Variants in FARP1 observed in about 807,000 individuals in gnomAD.
FARP1 encodes the protein FERM, ARHGEF and pleckstrin domain-containing protein 1.
FARP1 carries 52 observed loss-of-function variants against 128.8 expected under a neutral mutation model. The observed-to-expected ratio is 0.40, with a 90% confidence interval of 0.32 to 0.51. The LOEUF (loss-of-function observed/expected upper bound fraction) is 0.51. Among genes scored for constraint, FARP1 ranks in the 20% least tolerant of loss-of-function variants. FARP1 has a pLI of 0.45. For synonymous variants in FARP1, 580 were observed against 551.8 expected, an observed-to-expected ratio of 1.05 and a Z score of -0.72; for missense variants, 1,333 against 1,367.9, an observed-to-expected ratio of 0.97 and a Z score of 0.40.
intron 13 of FARP1, chr13:98,397,011 T>C (rs1890576539): frequency 6.6e-6 from 1 of 152,288 alleles, no homozygotes; most frequent in South Asian, 2.1e-4. Context: ...TGTAAATTGA[T>C]AGCTAGTTGA....
At chr13:98,251,835 AT>A (rs1883340846) in intron 2 of FARP1, among the ~76,000 whole-genome samples, 1 of 152,058 alleles carries the variant, frequency 6.6e-6, no homozygotes, top group Non-Finnish European at 1.5e-5. Context: ...AATATAGCTA[AT>A]TGTATGTATG....
chr13:98,231,442 A>G (rs1380367199), intron 2 of FARP1, among the ~76,000 whole-genome samples: 2 of 151,870 alleles, frequency 1.3e-5, no homozygotes, highest in East Asian at 3.9e-4. Context: ...ATTTTATTTT[A>G]TTTTATTTTA....
chr13:98,318,950 GTTT>G (rs56166470), intron 2 of FARP1, among the ~76,000 whole-genome samples: 21,317 of 120,816 alleles, frequency 0.18, 1,829 homozygotes, highest in South Asian at 0.23. Flanking sequence ...GTTTTTTCTT[GTTT>G]TTTTTTTTTT....
intron 2 of FARP1, among the ~76,000 whole-genome samples, chr13:98,223,975 A>G (rs1368052071): frequency 6.6e-6 from 1 of 152,208 alleles, no homozygotes; most frequent in Non-Finnish European, 1.5e-5. Flanking sequence ...TGTGACATGA[A>G]CTATAAAATG....
intron 13 of FARP1, chr13:98,395,989 G>A (rs1291119232): frequency 2.5e-6 from 1 of 399,070 alleles, no homozygotes; most frequent in East Asian, 3.6e-5. Context: ...CACTCTCCCG[G>A]ACCAGGGTCC....
intron 2 of FARP1, among the ~76,000 whole-genome samples, chr13:98,287,410 T>C (rs1885234704): frequency 2.0e-5 from 3 of 151,806 alleles, no homozygotes; most frequent in South Asian, 4.2e-4. Flanking sequence ...TTTGTATTTT[T>C]AGTAGAGACG....
rs145475035 is a variant in FARP1, at chr13:98,373,058, A to G, written c.399-4763A>G. 1.6e-3 allele frequency among the ~76,000 whole-genome samples: 242 copies of G among 152,300 alleles called. 2 individuals are homozygous for G. Among genetic ancestry groups the G allele is most frequent in the Admixed American group, 2.7e-3 (42 of 15,304 alleles). On this transcript the variant is annotated intron_variant, in intron 5 of 26. Transcript: ENST00000319562. ...CCCAGGAAGCTACTTCTCATGTTAC[A>G]AGGGCCTTGGATCAGGAAGAGTCCA... is the stretch of plus-strand genomic sequence containing the variant.
intron 2 of FARP1, among the ~76,000 whole-genome samples, chr13:98,306,996 C>T (rs1161320653): frequency 1.4e-5 from 2 of 141,018 alleles, no homozygotes; most frequent in Middle Eastern, 3.4e-3. Flanking sequence ...CCATTACAAA[C>T]GAAGAAACAG....
chr13:98,409,548 G>A (rs749645812), intron 14 of FARP1, 23 bp downstream of exon 14: 11 of 1,568,770 alleles, frequency 7.0e-6, no homozygotes, highest in South Asian at 4.6e-5. Context: ...GGGCTCAAGC[G>A]CGTGTGTGGC....
At chr13:98,182,551 T>G (rs1878607925) in intron 1 of FARP1, among the ~76,000 whole-genome samples, 1 of 152,154 alleles carries the variant, frequency 6.6e-6, no homozygotes, top group Non-Finnish European at 1.5e-5. Context: ...GGTCTCAAAC[T>G]CCCGGGCTTT....
At chr13:98,221,254 T>G (rs1349358214) in intron 2 of FARP1, among the ~76,000 whole-genome samples, 10 of 152,234 alleles carry the variant, frequency 6.6e-5, no homozygotes, top group African/African-American at 2.4e-4. Flanking sequence ...TTTAGTTTCC[T>G]TCTTGTTCTT....
intron 5 of FARP1, among the ~76,000 whole-genome samples, chr13:98,373,533 G>GACAGACAGACACACACACACAC (rs1349451618): frequency 5.5e-4 from 72 of 131,056 alleles, no homozygotes; most frequent in African/African-American, 1.9e-3. Context: ...CAGACAGACA[G>GACAGACAGACACACACACACAC]ACACACACAC....
intron 2 of FARP1, chr13:98,341,143 T>C (rs961308367): frequency 8.5e-6 from 1 of 117,494 alleles, no homozygotes; most frequent in African/African-American, 3.3e-5. Flanking sequence ...GCGGCATCTG[T>C]TAAAAAAAAA....
intron 5 of FARP1, among the ~76,000 whole-genome samples, chr13:98,371,165 C>G (rs772533744): frequency 2.0e-5 from 3 of 151,228 alleles, no homozygotes; most frequent in Non-Finnish European, 2.9e-5. Flanking sequence ...AGGGCTCTTT[C>G]TTGCTCAGGA....
At chr13:98,356,316 TA>T (rs1888639451) in intron 3 of FARP1, among the ~76,000 whole-genome samples, 1 of 152,214 alleles carries the variant, frequency 6.6e-6, no homozygotes, top group South Asian at 2.1e-4. Context: ...GTGGTGTAAG[TA>T]CGGTTGTCTC....
intron 3 of FARP1, among the ~76,000 whole-genome samples, chr13:98,362,592 T>A (rs1375525751): frequency 6.6e-6 from 1 of 152,230 alleles, no homozygotes; most frequent in Non-Finnish European, 1.5e-5. Flanking sequence ...TGCATTTTAA[T>A]TCTTTAGACT....
chr13:98,395,151 C>G, intron 12 of FARP1, 76 bp from the exon 13 acceptor site: 1 of 1,497,442 alleles, frequency 6.7e-7, no homozygotes, highest in Non-Finnish European at 8.9e-7. Context: ...CCTGGCTCTC[C>G]TTTTCTGTTT....
chr13:98,431,115 C>T lies in FARP1; in HGVS notation c.1978C>T (p.Arg660Trp), dbSNP rs145494993. ...ALENGIKSSR[R>W]LENFCRDFEL... ...GGAGAATGGAATCAAGAGCTCCCGG[C>T]GGCTGGAGAACTTCTGCAGAGACTT... The change falls in exon 18 of 27, where the codon CGG (arginine) becomes TGG (tryptophan). Residue 660 changes from arginine (R) to tryptophan (W), a missense_variant. This residue lies in a region of FARP1 where 1,009 missense variants were observed against 969.8 expected (regional missense o/e 1.04). Coordinates refer to ENST00000319562, the MANE Select transcript of FARP1 (RefSeq NM_005766.4). 303 of 1,614,102 alleles carry T rather than the reference C, an allele frequency of 1.9e-4. No homozygotes were observed. The highest frequency in any genetic ancestry group is 2.4e-4 in the Non-Finnish European group (283 of 1,179,992).
chr13:98,247,087 C>G (rs541538268), intron 2 of FARP1, among the ~76,000 whole-genome samples: 1 of 152,162 alleles, frequency 6.6e-6, no homozygotes, highest in Non-Finnish European at 1.5e-5. Context: ...GTTAACTGGG[C>G]GTGATGGCGC....
Sources: allele counts gnomAD v4.1 joint callset (sites outside exome capture counted in the v4.1 genomes callset), GRCh38; gene constraint gnomAD v4.1.1; regional missense constraint gnomAD v4.1.1; transcripts MANE v1.5; gene names NCBI Gene and HGNC (gene_info 2026-07-23, HGNC 2026-07-21).